The following AXL variants were observed in gnomAD, a reference collection of about 807,000 sequenced individuals.
AXL encodes AXL receptor tyrosine kinase, also known as tyrosine-protein kinase receptor UFO.
A neutral mutation model predicts 104.5 loss-of-function variants in AXL; 52 were observed. The observed-to-expected ratio is 0.50, with a 90% CI of 0.40 to 0.63. The LOEUF is 0.63. AXL is among the 20% of genes least tolerant of loss of function. The probability of loss-of-function intolerance (pLI) is 0.00; values close to 1 mark genes in which losing one functional copy is unlikely to be tolerated. For synonymous variants in AXL, 455 were observed against 473.7 expected (o/e 0.96, Z 0.51); for missense variants, 1,024 against 1,188.5 (o/e 0.86, Z 2.04).
chr19:41,259,436 C>A, intron 19 of AXL, 117 bp from the exon 20 acceptor site: 2 of 857,254 alleles, frequency 2.3e-6, no homozygotes, highest in African/African-American at 1.7e-5. Flanking sequence ...CTGAGGCTCC[C>A]TATAACCCTC....
At chr19:41,242,640 T>A (rs2034203518) in intron 10 of AXL, among the ~76,000 whole-genome samples, 1 of 152,074 alleles carries the variant, frequency 6.6e-6, no homozygotes, top group Non-Finnish European at 1.5e-5. Context: ...TCCATCCCAC[T>A]CTTAACTCAC....
chr19:41,220,916 C>T, intron 2 of AXL, 58 bp downstream of exon 2: 2 of 1,577,460 alleles, frequency 1.3e-6, no homozygotes, highest in Non-Finnish European at 1.7e-6. Context: ...GGGCAGAAAG[C>T]CCACCTGGGT....
At chr19:41,229,187 G>A (rs550238411) in intron 4 of AXL, among the ~76,000 whole-genome samples, 3 of 152,160 alleles carry the variant, frequency 2.0e-5, no homozygotes, top group East Asian at 1.9e-4. Context: ...CGGACCTCAG[G>A]TGATCCACCC....
chr19:41,245,202 C>T (rs1290438214), intron 12 of AXL, among the ~76,000 whole-genome samples: 3 of 152,114 alleles, frequency 2.0e-5, no homozygotes, highest in Non-Finnish European at 2.9e-5. Flanking sequence ...GTGTGAGCCA[C>T]CACGCCTGGC....
At chr19:41,223,525 C>G (rs997927321) in intron 4 of AXL, among the ~76,000 whole-genome samples, 3 of 152,196 alleles carry the variant, frequency 2.0e-5, no homozygotes, top group African/African-American at 7.2e-5. Flanking sequence ...AGGAAGGAGG[C>G]TGCAGCCTGG....
intron 9 of AXL, among the ~76,000 whole-genome samples, 189 bp from the exon 10 acceptor site, chr19:41,239,505 T>C (rs2034142495): frequency 6.6e-6 from 1 of 151,832 alleles, no homozygotes; most frequent in African/African-American, 2.4e-5. Context: ...CTCACTCCTT[T>C]ACCCGTGCCA....
intron 6 of AXL, among the ~76,000 whole-genome samples, chr19:41,232,193 C>G (rs2034002725): frequency 1.3e-5 from 2 of 152,148 alleles, no homozygotes; most frequent in Non-Finnish European, 2.9e-5. Flanking sequence ...CTGGAGCTGT[C>G]CCAGTCACCA....
At chr19:41,257,036 T>A (rs535080606) in intron 18 of AXL, among the ~76,000 whole-genome samples, 93 of 152,120 alleles carry the variant, frequency 6.1e-4, no homozygotes, top group Middle Eastern at 3.4e-3. Context: ...CAAGTATTTT[T>A]TATATATATA....
chr19:41,249,825 A>C (rs894736440), intron 14 of AXL, among the ~76,000 whole-genome samples: 5 of 151,900 alleles, frequency 3.3e-5, no homozygotes, highest in Non-Finnish European at 7.4e-5. Context: ...GGAATACCAG[A>C]AGCAGAGAGA....
Position 41,246,083 on chromosome 19 carries a change from TC to T in AXL, c.1537+2379del, listed in dbSNP as rs1320865908. Among the ~76,000 whole-genome samples the T allele has an allele frequency of 4.6e-5, 7 of 152,310 alleles. No homozygotes were observed. The East Asian group carries it at 1.3e-3, about 29-fold the overall frequency. On this transcript the variant is annotated intron_variant, in intron 12 of 19. Transcript: ENST00000301178. ...GCATTCAGCGCAGTTTTCCAGAGGC[TC>T]CCTGACGTGGGATGATGTCATCCAA...
At chr19:41,247,289 A>T (rs540669219) in intron 12 of AXL, among the ~76,000 whole-genome samples, 1 of 152,168 alleles carries the variant, frequency 6.6e-6, no homozygotes, top group Non-Finnish European at 1.5e-5. Context: ...CAAGGTGGGC[A>T]GATCACCTGA....
At position 41,261,483 on chromosome 19, in the gene AXL, T is replaced by G. The variant is rs1280457048; in HGVS notation, c.*1579T>G. ...ATTCTAAAGGTCCACAGGTCTAGACTATTAGGTGCAATTTCAAGGTTCTAA... is the reference window on the plus strand; with the variant it reads ...ATTCTAAAGGTCCACAGGTCTAGACGATTAGGTGCAATTTCAAGGTTCTAA... On this transcript the variant is annotated 3_prime_UTR_variant, in exon 20 of 20. Coordinates refer to ENST00000301178, the MANE Select transcript of AXL (RefSeq NM_021913.5). 6.6e-6 allele frequency: 1 copy of G among 152,440 alleles called. No homozygotes were observed. The highest frequency in any genetic ancestry group is 1.5e-5 in the Non-Finnish European group (1 of 68,040). 9.4% of individuals were successfully genotyped at this position (152,440 alleles called of 1,614,324 possible).
chr19:41,239,751 C>T (rs1258858228), intron 10 of AXL, 31 bp downstream of exon 10: 2 of 1,613,722 alleles, frequency 1.2e-6, no homozygotes, highest in South Asian at 2.2e-5. Context: ...TCTCCTCCTT[C>T]CCTACCCTCA....
chr19:41,254,819 T>C (rs2034427898), intron 17 of AXL, among the ~76,000 whole-genome samples: 1 of 151,970 alleles, frequency 6.6e-6, no homozygotes, highest in Non-Finnish European at 1.5e-5. Flanking sequence ...GAGGCTGAGG[T>C]GGAAGGATTG....
In AXL at chr19:41,229,769, C is replaced by T. The variant is rs111463247; in HGVS notation, c.587-1198C>T. ...GGAGGCCAGTGTGGCCGGAGAAGAG[C>T]GTGTGACAGGGAGAGTGGGAGAGGG... On this transcript the variant is annotated intron_variant, in intron 4 of 19. Transcript: ENST00000301178. 7.3e-3 allele frequency among the ~76,000 whole-genome samples: 1,104 copies of T among 152,182 alleles called. 14 individuals are homozygous for T. The highest frequency in any genetic ancestry group is 0.013 in the Admixed American group (197 of 15,274).
chr19:41,257,951 A>C (rs2034480765), intron 19 of AXL, among the ~76,000 whole-genome samples: 1 of 152,260 alleles, frequency 6.6e-6, no homozygotes, highest in African/African-American at 2.4e-5. Context: ...ATGCACTCCC[A>C]GAGACTTCTC....
At chr19:41,223,720 C>T (rs566923973) in intron 4 of AXL, among the ~76,000 whole-genome samples, 36 of 152,096 alleles carry the variant, frequency 2.4e-4, no homozygotes, top group Non-Finnish European at 3.8e-4. Context: ...GCCCATGGCT[C>T]GAGTGGCTGA....
At chr19:41,239,668 C>G (rs779043313) in intron 9 of AXL, 26 bp from the exon 10 acceptor site, 77 of 1,614,030 alleles carry the variant, frequency 4.8e-5, no homozygotes, top group Non-Finnish European at 6.3e-5. Context: ...CTGAGCACAT[C>G]TCCTCTCTGT....
chr19:41,220,959 C>A (rs755072118), intron 2 of AXL, 101 bp downstream of exon 2: 2 of 1,383,066 alleles, frequency 1.4e-6, no homozygotes, highest in East Asian at 2.4e-5. Context: ...GTCAGCCGTG[C>A]GGCTTTGAGC....
Sources: gnomAD v4.1 joint callset for allele counts (sites outside exome capture counted in the v4.1 genomes callset) on GRCh38, gnomAD v4.1.1 for gene constraint, MANE v1.5 for transcripts, NCBI Gene and HGNC (gene_info 2026-07-23, HGNC 2026-07-21) for gene names.